The following COPG2 variants were observed in gnomAD, a reference collection of about 807,000 sequenced individuals.
COPG2 encodes the protein coatomer subunit gamma-2.
Under a neutral mutation model 46.3 loss-of-function variants are expected in COPG2, and 37 were observed. The ratio of observed to expected loss-of-function variants is 0.80; its 90% CI spans 0.61 to 1.05. The LOEUF (loss-of-function observed/expected upper bound fraction) is 1.05. Ranked by LOEUF, COPG2 falls within the 50% of genes least tolerant of loss-of-function variation. The probability of loss-of-function intolerance (pLI) is 0.00; values close to 1 mark genes in which losing one functional copy is unlikely to be tolerated. For synonymous variants in COPG2, 159 were observed against 129.7 expected (o/e 1.23, Z -1.53); for missense variants, 427 against 387.8 (o/e 1.10, Z -0.85).
At chr7:130,509,165 T>C (rs1023295551) in intron 20 of COPG2, 15 of 445,998 alleles carry the variant, frequency 3.4e-5, no homozygotes, top group East Asian at 6.7e-5. Flanking sequence ...CAGAGAGAAC[T>C]TGCTTTATCT....
intron 5 of COPG2, among the ~76,000 whole-genome samples, chr7:130,637,691 TTTG>T (rs1795371369): frequency 6.6e-6 from 1 of 152,108 alleles, no homozygotes; most frequent in Non-Finnish European, 1.5e-5. Context: ...CTCTGAGGAG[TTTG>T]TTATTACCTA....
rs1050522699 is a variant in COPG2, at chr7:130,536,363, T to C, written c.2149+11311A>G. On this transcript the variant is annotated intron_variant, in intron 20 of 23. Coordinates refer to ENST00000425248, the MANE Select transcript of COPG2 (RefSeq NM_012133.6). ...TGGCCGTCCACAGCAGTGATTCTTA[T>C]CTGGGGTTGAGGGGTGGGTTTCACC... Among the ~76,000 whole-genome samples the C allele has an allele frequency of 2.3e-3, 355 of 151,966 alleles. 2 individuals are homozygous for C. The highest frequency in any genetic ancestry group is 2.1e-3 in the Non-Finnish European group (144 of 67,932).
At chr7:130,507,248 A>G in intron 23 of COPG2, 26 bp downstream of exon 23, 1 of 780,426 alleles carries the variant, frequency 1.3e-6, no homozygotes, top group Non-Finnish European at 2.4e-6. Flanking sequence ...AGAAAATGGA[A>G]GGAAAATCTG....
chr7:130,600,511 C>G (rs563407075), intron 9 of COPG2, among the ~76,000 whole-genome samples: 1 of 152,284 alleles, frequency 6.6e-6, no homozygotes, highest in Non-Finnish European at 1.5e-5. Context: ...AATCCACTCA[C>G]CTTGGCCTCC....
chr7:130,565,870 G>C (rs1793794485), intron 9 of COPG2, among the ~76,000 whole-genome samples: 2 of 151,972 alleles, frequency 1.3e-5, no homozygotes. Flanking sequence ...AAAACTTGTA[G>C]ATCTACTGAG....
At chr7:130,510,170 T>C (rs2116328424) in intron 20 of COPG2, 1 of 520,152 alleles carries the variant, frequency 1.9e-6, no homozygotes. Flanking sequence ...GTGGGGACTA[T>C]GAAGAATGGG....
chr7:130,614,016 T>C (rs1794903231), intron 6 of COPG2, among the ~76,000 whole-genome samples: 1 of 152,214 alleles, frequency 6.6e-6, no homozygotes, highest in Admixed American at 6.5e-5. Context: ...TTCCTCTATG[T>C]GAAGGGCACA....
chr7:130,506,818 A>C lies in COPG2; in HGVS notation c.2486-12T>G, dbSNP rs1554440205. 1 of 768,746 alleles carries C rather than the reference A, an allele frequency of 1.3e-6. No homozygotes were observed. The highest frequency in any genetic ancestry group is 2.4e-6 in the Non-Finnish European group (1 of 413,798). 47.6% of individuals were successfully genotyped at this position (768,746 alleles called of 1,614,324 possible). ...ACCTCTGAATATACCTGAGAGAAAAAAGTAAGGAAAACCATATTAAGAACC... is the reference window on the plus strand; with the variant it reads ...ACCTCTGAATATACCTGAGAGAAAACAGTAAGGAAAACCATATTAAGAACC... On this transcript the variant is annotated splice_polypyrimidine_tract_variant and intron_variant, in intron 23 of 23. Transcript: ENST00000425248.
chr7:130,657,720 A>T (rs1795884667), intron 4 of COPG2, among the ~76,000 whole-genome samples: 2 of 152,226 alleles, frequency 1.3e-5, no homozygotes, highest in African/African-American at 4.8e-5. Context: ...TTTAATGGGC[A>T]AAAGATATTA....
intron 9 of COPG2, among the ~76,000 whole-genome samples, chr7:130,593,002 T>C (rs1486372179): frequency 6.6e-6 from 1 of 152,240 alleles, no homozygotes; most frequent in Admixed American, 6.5e-5. Context: ...ATAGAAAGAA[T>C]GGGCAATGTG....
chr7:130,668,642 G>A lies in COPG2; in HGVS notation c.27C>T (p.Asp9=). The A allele has an allele frequency of 6.5e-7, 1 of 1,541,586 alleles. No individual in the cohort carries two copies. Among genetic ancestry groups the A allele is most frequent in the East Asian group, 2.7e-5 (1 of 36,948 alleles). MIKKFDKK[D]EESGSGSNPF... ...AAGCCCCGCGCGTACCAGACTCCTC[G>A]TCCTTCTTGTCGAATTTTTTAATCA... is the stretch of plus-strand genomic sequence containing the variant. The change falls in exon 1 of 24, where the codon GAC becomes GAT. Residue 9 remains aspartate, a synonymous_variant. Transcript: ENST00000425248.
At chr7:130,583,346 G>C (rs1794192818) in intron 9 of COPG2, among the ~76,000 whole-genome samples, 1 of 150,562 alleles carries the variant, frequency 6.6e-6, no homozygotes, top group Admixed American at 6.6e-5. Flanking sequence ...GGGGACTGTG[G>C]GGGGTGGGGG....
At chr7:130,540,870 T>A (rs1411868427) in intron 20 of COPG2, among the ~76,000 whole-genome samples, 3 of 151,964 alleles carry the variant, frequency 2.0e-5, no homozygotes, top group African/African-American at 7.3e-5. Flanking sequence ...TCCAATCATC[T>A]GAGGGGTGAG....
intron 10 of COPG2, among the ~76,000 whole-genome samples, chr7:130,563,554 C>CA (rs1199584256): frequency 6.6e-6 from 1 of 151,456 alleles, no homozygotes; most frequent in African/African-American, 2.4e-5. Flanking sequence ...TCAAAATATG[C>CA]ATACATTTTA....
At chr7:130,640,658 C>G (rs79115993) in intron 5 of COPG2, among the ~76,000 whole-genome samples, 1 of 151,956 alleles carries the variant, frequency 6.6e-6, no homozygotes. Context: ...AGTGTTAATC[C>G]AAATAAATCA....
chr7:130,667,332 C>A (rs1174145018), intron 2 of COPG2, 150 bp downstream of exon 2: 5 of 632,046 alleles, frequency 7.9e-6, no homozygotes, highest in Admixed American at 6.3e-5. Flanking sequence ...TGACAAGTAA[C>A]CCCTCTTTCT....
At chr7:130,510,850 G>A (rs538324390) in intron 20 of COPG2, 35 of 508,248 alleles carry the variant, frequency 6.9e-5, no homozygotes, top group Non-Finnish European at 9.1e-5. Context: ...GGCAAGATGC[G>A]GGGGCCTTTC....
chr7:130,605,934 A>G (rs1312865288), intron 9 of COPG2, among the ~76,000 whole-genome samples: 1 of 152,212 alleles, frequency 6.6e-6, no homozygotes, highest in Non-Finnish European at 1.5e-5. Flanking sequence ...GTGAAGTGTT[A>G]CTGCGACAAA....
chr7:130,589,384 T>G (rs1393569984), intron 9 of COPG2, among the ~76,000 whole-genome samples: 1 of 151,936 alleles, frequency 6.6e-6, no homozygotes, highest in East Asian at 1.9e-4. Flanking sequence ...GAAGGCCTTC[T>G]GTGATCCTCC....
Sources: allele counts gnomAD v4.1 joint callset (sites outside exome capture counted in the v4.1 genomes callset), GRCh38; gene constraint gnomAD v4.1.1; transcripts MANE v1.5; gene names NCBI Gene and HGNC (gene_info 2026-07-23, HGNC 2026-07-21).